RANBP2: variants seen among roughly 807,000 people sequenced by gnomAD.
RANBP2 encodes RAN binding protein 2.
In RANBP2, 57 loss-of-function variants were observed where a neutral mutation model predicts 303.6. The observed-to-expected ratio is 0.19, with a 90% CI of 0.15 to 0.23. The LOEUF is 0.23. RANBP2 is among the 10% of genes least tolerant of loss of function. The probability of loss-of-function intolerance (pLI) is 1.00; values close to 1 mark genes in which losing one functional copy is unlikely to be tolerated. For missense variants in RANBP2, 3,138 were observed against 3,780.8 expected, an observed-to-expected ratio of 0.83 and a Z score of 4.46; for synonymous variants, 1,167 against 1,301.5, an observed-to-expected ratio of 0.90 and a Z score of 2.23.
At chr2:109,045,428 G>A in the RANBP2 span, among the ~76,000 whole-genome samples, 26 of 152,204 alleles carry the variant, frequency 1.7e-4, no homozygotes, top group Non-Finnish European at 3.7e-4. Context: ...TTAGCCCAGC[G>A]AGGAAGGGCT....
the RANBP2 span, among the ~76,000 whole-genome samples, chr2:109,120,622 G>A: frequency 3.5e-5 from 5 of 142,962 alleles, no homozygotes; most frequent in Admixed American, 2.2e-4. Context: ...AGCCGAGATC[G>A]CGCCATTGCA....
chr2:108,827,208 TGTAAA>T, the RANBP2 span, among the ~76,000 whole-genome samples: 1 of 152,254 alleles, frequency 6.6e-6, no homozygotes, highest in African/African-American at 2.4e-5. Context: ...AAAATAATAA[TGTAAA>T]GGAAAGGAAA....
the RANBP2 span, among the ~76,000 whole-genome samples, chr2:109,671,393 A>G: frequency 6.6e-6 from 1 of 152,266 alleles, no homozygotes; most frequent in African/African-American, 2.4e-5. Flanking sequence ...TATTGGCATC[A>G]GTGCCAGTGG....
At chr2:109,052,712 C>G in the RANBP2 span, among the ~76,000 whole-genome samples, 1 of 152,136 alleles carries the variant, frequency 6.6e-6, no homozygotes, top group Non-Finnish European at 1.5e-5. Context: ...GTTGGCCAGG[C>G]TAGTCTCAAA....
chr2:109,347,952 A>G, the RANBP2 span: 67 of 1,595,790 alleles, frequency 4.2e-5, no homozygotes, highest in Non-Finnish European at 5.5e-5. Flanking sequence ...TCACCAAGGT[A>G]AGGTGAGCCC....
the RANBP2 span, among the ~76,000 whole-genome samples, chr2:109,645,288 A>G: frequency 6.6e-6 from 1 of 152,230 alleles, no homozygotes; most frequent in South Asian, 2.1e-4. Flanking sequence ...CCCTCCACTT[A>G]GTACGTAAAT....
the RANBP2 span, among the ~76,000 whole-genome samples, chr2:109,657,715 T>TTG: frequency 1.0e-4 from 4 of 38,836 alleles, no homozygotes; most frequent in Non-Finnish European, 1.4e-4. Flanking sequence ...ATTAGCTGAG[T>TTG]TTTTTTTTTT....
At chr2:109,587,406 T>C in the RANBP2 span, among the ~76,000 whole-genome samples, 24,419 of 151,702 alleles carry the variant, frequency 0.16, 2,369 homozygotes, top group East Asian at 0.32. Flanking sequence ...ATACCAGTAA[T>C]TGGAATACAA....
At chr2:108,926,325 G>A in the RANBP2 span, among the ~76,000 whole-genome samples, 1 of 152,158 alleles carries the variant, frequency 6.6e-6, no homozygotes, top group African/African-American at 2.4e-5. Flanking sequence ...TTCTACATAG[G>A]TTGATTCAGG....
At chr2:108,866,753 G>A in the RANBP2 span, among the ~76,000 whole-genome samples, 2 of 152,012 alleles carry the variant, frequency 1.3e-5, no homozygotes, top group Non-Finnish European at 2.9e-5. Context: ...CGCGGTGACG[G>A]GTGCCTATAA....
chr2:109,012,566 T>C, the RANBP2 span, among the ~76,000 whole-genome samples: 3 of 152,068 alleles, frequency 2.0e-5, no homozygotes, highest in Non-Finnish European at 2.9e-5. Flanking sequence ...AAGCTTCTGC[T>C]TTTAGCCCCT....
chr2:109,231,372 G>A, the RANBP2 span, among the ~76,000 whole-genome samples: 8 of 152,260 alleles, frequency 5.3e-5, no homozygotes, highest in African/African-American at 1.9e-4. Flanking sequence ...GGTTAATGCA[G>A]TTATCACCAC....
At chr2:109,736,004 G>A in the RANBP2 span, among the ~76,000 whole-genome samples, 1 of 152,198 alleles carries the variant, frequency 6.6e-6, no homozygotes, top group East Asian at 1.9e-4. Flanking sequence ...ATTAAACATT[G>A]AATTTCCAGC....
At chr2:109,034,421 G>A in the RANBP2 span, among the ~76,000 whole-genome samples, 4 of 152,154 alleles carry the variant, frequency 2.6e-5, no homozygotes, top group East Asian at 3.9e-4. Context: ...AGAGACTGGC[G>A]TTTAGGGAAT....
At chr2:108,906,160 T>C in the RANBP2 span, 2 of 768,464 alleles carry the variant, frequency 2.6e-6, no homozygotes, top group Non-Finnish European at 4.5e-6. Flanking sequence ...ACACCTGAAA[T>C]AGTTTCCAGC....
At position 108,727,603 on chromosome 2, in the gene RANBP2, ATTTTT is replaced by A. The variant is rs34554578; in HGVS notation, c.73-1513_73-1509del. Among the ~76,000 whole-genome samples, 951 of 119,720 alleles carry A rather than the reference ATTTTT, an allele frequency of 7.9e-3. 14 individuals carry two copies. The highest frequency in any genetic ancestry group is 0.033 in the African/African-American group (907 of 27,904). The allele number at this position is 119,720 out of a possible 152,430, so 78.5% of individuals were successfully genotyped here. On this transcript the variant is annotated intron_variant, in intron 1 of 28. Coordinates refer to ENST00000283195, the MANE Select transcript of RANBP2 (RefSeq NM_006267.5). ...TGGAACATACTCTGGTTGTATCAGC[ATTTTT>A]TTTTTTTTTTTTTTTGAGATGGAAT...
At chr2:109,728,159 T>C in the RANBP2 span, among the ~76,000 whole-genome samples, 1 of 152,168 alleles carries the variant, frequency 6.6e-6, no homozygotes, top group African/African-American at 2.4e-5. Flanking sequence ...ATAAGGCCCT[T>C]GTCACACAAC....
chr2:109,011,329 A>G, the RANBP2 span, among the ~76,000 whole-genome samples: 20 of 152,244 alleles, frequency 1.3e-4, 1 homozygote, highest in East Asian at 3.5e-3. Context: ...CTTTATTCAT[A>G]GTTTGGATGG....
the RANBP2 span, among the ~76,000 whole-genome samples, chr2:108,859,337 A>G: frequency 1.3e-5 from 2 of 152,206 alleles, no homozygotes; most frequent in East Asian, 1.9e-4. Flanking sequence ...ATTTTCTCCC[A>G]TTCTATAGGT....
Sources: allele counts gnomAD v4.1 joint callset (sites outside exome capture counted in the v4.1 genomes callset), GRCh38; gene constraint gnomAD v4.1.1; transcripts MANE v1.5; gene names NCBI Gene and HGNC (gene_info 2026-07-23, HGNC 2026-07-21).